The following ROBO1 variants were observed in gnomAD, a reference collection of about 807,000 sequenced individuals.
ROBO1 encodes roundabout homolog 1.
Under a neutral mutation model 195.9 loss-of-function variants are expected in ROBO1, and 149 were observed. The observed-to-expected ratio is 0.76, with a 90% confidence interval of 0.67 to 0.87. The LOEUF is 0.87. Among genes scored for constraint, ROBO1 ranks in the 40% least tolerant of loss-of-function variants. The probability of loss-of-function intolerance (pLI) is 0.00; values close to 1 mark genes in which losing one functional copy is unlikely to be tolerated. For missense variants in ROBO1, 1,933 were observed against 2,068.3 expected, an observed-to-expected ratio of 0.93 and a Z score of 1.27; for synonymous variants, 816 against 733.2, an observed-to-expected ratio of 1.11 and a Z score of -1.82.
Position 78,662,032 on chromosome 3 carries a change from G to A in ROBO1, c.2049C>T (p.Pro683=). The A allele has an allele frequency of 6.2e-7, 1 of 1,603,788 alleles. No homozygotes were observed. Among genetic ancestry groups the A allele is most frequent in the Non-Finnish European group, 8.5e-7 (1 of 1,175,168 alleles). The part of the protein sequence containing the change: ...LGNAVLHLHN[P]TVLSSSSIEV... Reference sequence around the variant, plus strand: ...CGATGGAAGAGGAAGAAAGGACGGTGGGGTTGTGGAGGTGCAGAACAGCAT... The same window carrying A: ...CGATGGAAGAGGAAGAAAGGACGGTAGGGTTGTGGAGGTGCAGAACAGCAT... Residue 683 remains proline (P), a synonymous_variant, in exon 15 of 31, where the codon CCC becomes CCT. Coordinates refer to ENST00000464233, the MANE Select transcript of ROBO1 (RefSeq NM_002941.4).
intron 3 of ROBO1, among the ~76,000 whole-genome samples, chr3:79,056,221 C>T (rs2078805105): frequency 6.6e-6 from 1 of 152,092 alleles, no homozygotes; most frequent in South Asian, 2.1e-4. Flanking sequence ...AGCTTGCTAT[C>T]AATGGAAAGT....
At chr3:79,584,506 C>A (rs1000507097) in intron 2 of ROBO1, among the ~76,000 whole-genome samples, 5 of 151,018 alleles carry the variant, frequency 3.3e-5, no homozygotes, top group African/African-American at 1.2e-4. Flanking sequence ...AATCAATGAG[C>A]AGAGTGGGAG....
chr3:78,638,019 G>T (rs1705638836), intron 22 of ROBO1, among the ~76,000 whole-genome samples: 1 of 150,260 alleles, frequency 6.7e-6, no homozygotes. Flanking sequence ...AGAAATCTTT[G>T]GTAATTTTTA....
intron 1 of ROBO1, among the ~76,000 whole-genome samples, chr3:79,752,490 A>G (rs1704172616): frequency 6.6e-6 from 1 of 152,140 alleles, no homozygotes; most frequent in Non-Finnish European, 1.5e-5. Flanking sequence ...GAGCTTATAG[A>G]AAGGGCTTTA....
intron 3 of ROBO1, among the ~76,000 whole-genome samples, chr3:79,067,108 G>C (rs2079016590): frequency 6.6e-6 from 1 of 152,014 alleles, no homozygotes; most frequent in African/African-American, 2.4e-5. Context: ...CACAAGGCAG[G>C]AAAATTAAAT....
At chr3:79,453,308 A>T (rs2039508315) in intron 2 of ROBO1, among the ~76,000 whole-genome samples, 1 of 152,124 alleles carries the variant, frequency 6.6e-6, no homozygotes, top group African/African-American at 2.4e-5. Flanking sequence ...GGTCACCATG[A>T]TTAACTGAAA....
intron 2 of ROBO1, among the ~76,000 whole-genome samples, chr3:79,241,041 T>C (rs1450096541): frequency 6.6e-6 from 1 of 152,178 alleles, no homozygotes; most frequent in Non-Finnish European, 1.5e-5. Context: ...GAAAGAAATA[T>C]TTTTGTTAAC....
chr3:79,030,603 C>A (rs1356692786), intron 3 of ROBO1, among the ~76,000 whole-genome samples: 1 of 152,156 alleles, frequency 6.6e-6, no homozygotes, highest in Non-Finnish European at 1.5e-5. Flanking sequence ...AAATTCTATA[C>A]AAACATCTTC....
chr3:78,931,210 A>G (rs1006021873), intron 4 of ROBO1, among the ~76,000 whole-genome samples: 1 of 151,226 alleles, frequency 6.6e-6, no homozygotes, highest in Admixed American at 6.6e-5. Flanking sequence ...CTGACTTTTA[A>G]AAACAACATT....
chr3:78,923,977 A>AG (rs1448155002), intron 4 of ROBO1, among the ~76,000 whole-genome samples: 1 of 152,086 alleles, frequency 6.6e-6, no homozygotes, highest in Non-Finnish European at 1.5e-5. Flanking sequence ...TCCTTAGGGA[A>AG]GAAAAAAAAG....
At chr3:78,711,597 T>A (rs557287836) in intron 8 of ROBO1, among the ~76,000 whole-genome samples, 39 of 150,928 alleles carry the variant, frequency 2.6e-4, no homozygotes, top group Non-Finnish European at 5.2e-4. Flanking sequence ...GCGATTCTCC[T>A]GCCTCAGCCT....
chr3:79,717,504 T>C (rs1702537583), intron 1 of ROBO1, among the ~76,000 whole-genome samples: 1 of 152,158 alleles, frequency 6.6e-6, no homozygotes, highest in South Asian at 2.1e-4. Flanking sequence ...GTTTGACCAA[T>C]TCGAGCTCTC....
At chr3:79,542,054 A>AT (rs1345395028) in intron 2 of ROBO1, among the ~76,000 whole-genome samples, 1 of 151,910 alleles carries the variant, frequency 6.6e-6, no homozygotes, top group Non-Finnish European at 1.5e-5. Flanking sequence ...ATCAACTCTG[A>AT]TTTTACAGGC....
At chr3:79,555,425 G>A (rs1402265558) in intron 2 of ROBO1, among the ~76,000 whole-genome samples, 4 of 152,034 alleles carry the variant, frequency 2.6e-5, no homozygotes, top group East Asian at 3.8e-4. Context: ...AGTGTGATAC[G>A]TAGATCATGT....
intron 2 of ROBO1, among the ~76,000 whole-genome samples, chr3:79,191,313 G>C (rs999318474): frequency 1.2e-4 from 18 of 151,338 alleles, no homozygotes; most frequent in African/African-American, 4.4e-4. Context: ...TAAATTATCA[G>C]AGAAGTGAAG....
chr3:79,260,895 C>A (rs1260610878), intron 2 of ROBO1, among the ~76,000 whole-genome samples: 1 of 152,036 alleles, frequency 6.6e-6, no homozygotes, highest in Non-Finnish European at 1.5e-5. Context: ...CTATAATCTA[C>A]AAAATTAAAA....
chr3:78,890,340 G>A (rs920001608), intron 4 of ROBO1, among the ~76,000 whole-genome samples: 1 of 151,412 alleles, frequency 6.6e-6, no homozygotes, highest in Admixed American at 6.7e-5. Context: ...ATTGGGGACA[G>A]GGTTAATCCC....
chr3:79,619,620 T>C (rs1468774713), intron 1 of ROBO1, among the ~76,000 whole-genome samples: 2 of 152,020 alleles, frequency 1.3e-5, no homozygotes, highest in African/African-American at 4.8e-5. Context: ...CTTAGAGAGG[T>C]GGCTAGAGCT....
intron 2 of ROBO1, among the ~76,000 whole-genome samples, chr3:79,460,976 TA>T (rs912855630): frequency 7.2e-5 from 11 of 151,930 alleles, no homozygotes; most frequent in South Asian, 4.2e-4. Flanking sequence ...GTATTTTTAT[TA>T]AAAAAAATTA....
Sources: allele counts gnomAD v4.1 joint callset (sites outside exome capture counted in the v4.1 genomes callset), GRCh38; gene constraint gnomAD v4.1.1; transcripts MANE v1.5; gene names NCBI Gene and HGNC (gene_info 2026-07-23, HGNC 2026-07-21).